ROCK2: variants seen among roughly 807,000 people sequenced by gnomAD.
ROCK2 encodes the protein Rho associated coiled-coil containing protein kinase 2, also known as rho-associated protein kinase 2.
Under a neutral mutation model 195.1 loss-of-function variants are expected in ROCK2, and 61 were observed. The observed-to-expected ratio is 0.31, with a 90% CI of 0.25 to 0.39. The LOEUF is 0.39. Among genes scored for constraint, ROCK2 ranks in the 10% least tolerant of loss-of-function variants. The pLI, the probability that ROCK2 is intolerant of heterozygous loss-of-function variation, is 1.00. For missense variants in ROCK2, 1,109 were observed against 1,637.4 expected, an observed-to-expected ratio of 0.68 and a Z score of 5.57; for synonymous variants, 504 against 545.5, an observed-to-expected ratio of 0.92 and a Z score of 1.06.
intron 32 of ROCK2, chr2:11,184,918 G>A (rs145361723): frequency 3.1e-5 from 8 of 254,422 alleles, no homozygotes; most frequent in Middle Eastern, 2.0e-3. Flanking sequence ...TAAGACGGAC[G>A]CACATAGGGA....
At chr2:11,194,907 TA>T (rs753776608) in intron 28 of ROCK2, 47 bp downstream of exon 28, 2 of 1,160,160 alleles carry the variant, frequency 1.7e-6, no homozygotes, top group African/African-American at 3.1e-5. Flanking sequence ...TGACTAGAGT[TA>T]AAACAAAAAC....
rs1663853434 is a variant in ROCK2, at chr2:11,201,574, T to C, written c.2620-161A>G. Among the ~76,000 whole-genome samples, 1 of 152,242 alleles carries C rather than the reference T, an allele frequency of 6.6e-6. No homozygotes were observed. The highest frequency in any genetic ancestry group is 6.5e-5 in the Admixed American group (1 of 15,286). ...GTTTAATGAACTTTCCTATTTCTAGTCATCAATTAACTAATACAAGTTCAG... is the reference window on the plus strand; with the variant it reads ...GTTTAATGAACTTTCCTATTTCTAGCCATCAATTAACTAATACAAGTTCAG... On this transcript the variant is annotated intron_variant, in intron 21 of 32. Transcript: ENST00000315872. The surrounding 1 kb of genome is among the most constrained non-coding windows in gnomAD (Gnocchi z 4.6).
chr2:11,249,511 T>C (rs1432279618), intron 4 of ROCK2, 150 bp downstream of exon 4: 1 of 559,340 alleles, frequency 1.8e-6, no homozygotes, highest in Middle Eastern at 5.0e-4. Context: ...TTTTGGAACA[T>C]TAAACAAATG....
chr2:11,310,776 C>A (rs188083742), intron 1 of ROCK2, among the ~76,000 whole-genome samples: 1 of 151,928 alleles, frequency 6.6e-6, no homozygotes, highest in Non-Finnish European at 1.5e-5. Context: ...ATATAACACA[C>A]ACTGACCACA....
chr2:11,343,053 A>G (rs1227468981), intron 1 of ROCK2, among the ~76,000 whole-genome samples: 1 of 152,206 alleles, frequency 6.6e-6, no homozygotes, highest in Non-Finnish European at 1.5e-5. Flanking sequence ...TAACGGATCT[A>G]AGGACCTCCC....
chr2:11,198,361 G>A (rs2148039172), intron 25 of ROCK2, 130 bp downstream of exon 25: 1 of 619,324 alleles, frequency 1.6e-6, no homozygotes, highest in Non-Finnish European at 2.8e-6. Flanking sequence ...CAAAAATCAG[G>A]TAATTGTGAC....
chr2:11,205,190 T>C (rs955970524), intron 20 of ROCK2, among the ~76,000 whole-genome samples: 2 of 152,136 alleles, frequency 1.3e-5, no homozygotes, highest in African/African-American at 4.8e-5. Context: ...ATAAAAACCT[T>C]AGTGGTGGGA....
chr2:11,200,156 T>C (rs576522417), intron 23 of ROCK2, among the ~76,000 whole-genome samples: 27 of 152,338 alleles, frequency 1.8e-4, no homozygotes, highest in African/African-American at 5.8e-4. Context: ...TTTAATCTTA[T>C]CTTACTGAAT....
intron 12 of ROCK2, 41 bp downstream of exon 12, chr2:11,217,049 T>TAA (rs765270256): frequency 1.9e-6 from 2 of 1,069,324 alleles, no homozygotes; most frequent in Middle Eastern, 2.8e-4. Context: ...TGTTTAAACT[T>TAA]AAATTTTATA....
At chr2:11,228,866 A>C (rs1253892031) in intron 5 of ROCK2, among the ~76,000 whole-genome samples, 2 of 152,126 alleles carry the variant, frequency 1.3e-5, no homozygotes, top group Non-Finnish European at 2.9e-5. Context: ...ATAAGAAAGA[A>C]TTGGCATAAA....
rs943384047 is a variant in ROCK2, at chr2:11,344,192, G to C, written c.-56C>G. The C allele has an allele frequency of 1.4e-4, 194 of 1,380,256 alleles. No individual in the cohort carries two copies. The highest frequency in any genetic ancestry group is 1.7e-4 in the Non-Finnish European group (186 of 1,072,416). The allele number at this position is 1,380,256 out of a possible 1,614,324, so 85.5% of individuals were successfully genotyped here. A position where few individuals can be genotyped will look rare whatever the true frequency, so the allele number is the denominator to read the frequency against. On this transcript the variant is annotated 5_prime_UTR_variant, in exon 1 of 33. Transcript: ENST00000315872. This position sits in a 1 kb window ranked among gnomAD's most constrained non-coding sequence, Gnocchi z 5.4. Reference sequence around the variant, plus strand: ...CTCGCGCTCAGGTCCCGCAGCCTCGGGGCCTAGCACCGCCCCCGAACCACC... The same window carrying C: ...CTCGCGCTCAGGTCCCGCAGCCTCGCGGCCTAGCACCGCCCCCGAACCACC...
At chr2:11,267,683 T>G (rs1383539647) in intron 3 of ROCK2, among the ~76,000 whole-genome samples, 6 of 149,780 alleles carry the variant, frequency 4.0e-5, no homozygotes, top group African/African-American at 1.5e-4. Flanking sequence ...ACCCCTTGAG[T>G]ATATCCTATC....
intron 19 of ROCK2, 45 bp from the exon 20 acceptor site, chr2:11,207,955 A>AT: frequency 7.5e-7 from 1 of 1,325,136 alleles, no homozygotes. Context: ...AATTATTTCC[A>AT]TTTTTCTAAT....
Position 11,221,369 on chromosome 2 carries a change from AAAG to A in ROCK2, c.1100-15_1100-13del. The A allele has an allele frequency of 6.6e-7, 1 of 1,518,016 alleles. No individual in the cohort carries two copies. Among genetic ancestry groups the A allele is most frequent in the African/African-American group, 1.4e-5 (1 of 69,456 alleles). 94.0% of individuals were successfully genotyped at this position (1,518,016 alleles called of 1,614,324 possible). A position where few individuals can be genotyped will look rare whatever the true frequency, so the allele number is the denominator to read the frequency against. On this transcript the variant is annotated splice_polypyrimidine_tract_variant and intron_variant, in intron 8 of 32. Coordinates refer to ENST00000315872, the MANE Select transcript of ROCK2 (RefSeq NM_004850.5). ...TACAGGAGCTGCCGCTATTAAAAGAAAAGAAATAAATTATTTCATTCACAACCA... is the reference window on the plus strand; with the variant it reads ...TACAGGAGCTGCCGCTATTAAAAGAAAAATAAATTATTTCATTCACAACCA...
intron 1 of ROCK2, among the ~76,000 whole-genome samples, chr2:11,291,584 T>C (rs1224919368): frequency 6.6e-6 from 1 of 151,748 alleles, no homozygotes; most frequent in Non-Finnish European, 1.5e-5. Context: ...AACATCCAAA[T>C]AAAATGCTTC....
At chr2:11,321,086 A>G (rs1668385214) in intron 1 of ROCK2, among the ~76,000 whole-genome samples, 1 of 152,220 alleles carries the variant, frequency 6.6e-6, no homozygotes, top group Non-Finnish European at 1.5e-5. Context: ...TACTGTACTC[A>G]AAAGGCTTTT....
chr2:11,214,996 G>C lies in ROCK2; in HGVS notation c.1780C>G (p.Gln594Glu). The C allele has an allele frequency of 6.2e-7, 1 of 1,613,388 alleles. No individual in the cohort carries two copies. The highest frequency in any genetic ancestry group is 8.5e-7 in the Non-Finnish European group (1 of 1,179,804). Reference protein sequence around the residue: ...TQAESSKQIQQLESNNRDLQD... With the variant: ...TQAESSKQIQELESNNRDLQD... Reference sequence around the variant, plus strand: ...AGATCTCTATTGTTAGATTCCAGCTGCTGAATCTGTTTTGAACTTTCTGCC... The same window carrying C: ...AGATCTCTATTGTTAGATTCCAGCTCCTGAATCTGTTTTGAACTTTCTGCC... Residue 594 changes from glutamine to glutamate, a missense_variant, in exon 16 of 33, where the codon CAG (glutamine) becomes GAG (glutamate). By Grantham distance (29) the Gln-to-Glu change is conservative. This residue lies in a region of ROCK2 where 542 missense variants were observed against 672.0 expected (regional missense o/e 0.81). Coordinates refer to ENST00000315872, the MANE Select transcript of ROCK2 (RefSeq NM_004850.5).
At chr2:11,314,706 A>T (rs1339067506) in intron 1 of ROCK2, among the ~76,000 whole-genome samples, 3 of 152,000 alleles carry the variant, frequency 2.0e-5, no homozygotes, top group Non-Finnish European at 4.4e-5. Context: ...GCCACTAAAG[A>T]TGTTCTTCAA....
intron 32 of ROCK2, among the ~76,000 whole-genome samples, chr2:11,186,275 G>A (rs1010641196): frequency 1.4e-4 from 22 of 152,086 alleles, no homozygotes; most frequent in African/African-American, 5.3e-4. Flanking sequence ...CTACTGCTTG[G>A]GAGATTGTGA....
Sources: gnomAD v4.1 joint callset for allele counts (sites outside exome capture counted in the v4.1 genomes callset) on GRCh38, gnomAD v4.1.1 for gene constraint, gnomAD v4.1.1 regional missense constraint, Gnocchi (gnomAD v3.1) non-coding constraint, MANE v1.5 for transcripts, NCBI Gene and HGNC (gene_info 2026-07-23, HGNC 2026-07-21) for gene names.